TENM1: variants seen among roughly 807,000 people sequenced by gnomAD.
The protein encoded by TENM1 is teneurin transmembrane protein 1, also known as teneurin-1.
In TENM1, 35 loss-of-function variants were observed where a neutral mutation model predicts 174.8. That is an observed-to-expected ratio of 0.20 (90% CI 0.15 to 0.27). The LOEUF (loss-of-function observed/expected upper bound fraction) is 0.27. TENM1 is among the 10% of genes least tolerant of loss of function. The pLI is 1.00. For synonymous variants in TENM1, 781 were observed against 798.7 expected, an observed-to-expected ratio of 0.98 and a Z score of 0.37; for missense variants, 1,633 against 2,130.1, an observed-to-expected ratio of 0.77 and a Z score of 4.59.
exon 25 of TENM1, chrX:124,420,650 T>C (rs779838662): frequency 8.3e-7 from 1 of 1,211,755 alleles, no homozygotes; most frequent in South Asian, 1.8e-5. Flanking sequence ...CAGTTCCTGA[T>C]CAGCGGGTGA....
intron 27 of TENM1, among the ~76,000 whole-genome samples, chrX:124,400,831 A>G (rs113731481): frequency 2.7e-5 from 3 of 112,148 alleles, no homozygotes; most frequent in African/African-American, 6.5e-5. Context: ...TAATTTCTCT[A>G]TTGTCCAGGG....
chrX:124,459,002 C>T (rs1040524829), intron 22 of TENM1, among the ~76,000 whole-genome samples: 2 of 112,087 alleles, frequency 1.8e-5, no homozygotes, highest in African/African-American at 3.2e-5. Context: ...ACAGACATGG[C>T]GTTGCTCTTA....
At chrX:124,438,817 G>C (rs1043866666) in intron 23 of TENM1, among the ~76,000 whole-genome samples, 10 of 110,750 alleles carry the variant, frequency 9.0e-5, no homozygotes, top group African/African-American at 2.6e-4. Flanking sequence ...TCTGATAACA[G>C]GTTATTATAT....
At chrX:125,099,193 G>T in the TENM1 span, among the ~76,000 whole-genome samples, 3 of 111,764 alleles carry the variant, frequency 2.7e-5, no homozygotes, top group African/African-American at 9.8e-5. Context: ...AAGGAATGGG[G>T]GAGGTTTTTG....
chrX:124,438,300 G>A lies in TENM1; in HGVS notation c.4104+15037C>T, dbSNP rs748273229. ...GATAGAGGAACAGCAATACACTATC[G>A]TAGGTCTTCTGTATCTTAGAGAGAT... On this transcript the variant is annotated intron_variant, in intron 23 of 31. Transcript: ENST00000422452. Among the ~76,000 whole-genome samples the A allele has an allele frequency of 2.1e-3, 228 of 110,841 alleles. 1 individual carries two copies. Among genetic ancestry groups the A allele is most frequent in the African/African-American group, 6.9e-3 (211 of 30,461 alleles).
At chrX:125,196,999 C>G in the TENM1 span, among the ~76,000 whole-genome samples, 1,657 of 111,381 alleles carry the variant, frequency 0.015, 33 homozygotes, top group African/African-American at 0.052. Context: ...GGCACCTTCT[C>G]TTTGACAGGT....
At chrX:124,897,824 T>A (rs1376441904) in intron 1 of TENM1, among the ~76,000 whole-genome samples, 9 of 112,540 alleles carry the variant, frequency 8.0e-5, no homozygotes, top group Non-Finnish European at 1.5e-4. Context: ...ATAGTCGTGG[T>A]TTCCACTTGT....
chrX:124,842,981 T>C (rs1289542010), intron 3 of TENM1, among the ~76,000 whole-genome samples: 2 of 111,280 alleles, frequency 1.8e-5, no homozygotes, highest in Non-Finnish European at 3.8e-5. Context: ...TTAGATCAAA[T>C]GATGCGATTT....
rs978324761 is a variant in TENM1 at position 124,858,223 on chromosome X, T to C, written c.535+36073A>G. ...ACAAATTCTAATACATGCTAACAGA[T>C]GTTTTCACTTTAAATTTTAGAAAGC... On this transcript the variant is annotated intron_variant, in intron 3 of 31. Coordinates refer to ENST00000422452, the Ensembl canonical transcript of TENM1. Among the ~76,000 whole-genome samples, 3 of 112,604 alleles carry C rather than the reference T, an allele frequency of 2.7e-5. No individual in the cohort carries two copies. The South Asian group carries it at 1.1e-3, about 41-fold the overall frequency.
At chrX:124,850,003 T>C (rs1714404314) in intron 3 of TENM1, among the ~76,000 whole-genome samples, 1 of 111,873 alleles carries the variant, frequency 8.9e-6, no homozygotes, top group African/African-American at 3.2e-5. Flanking sequence ...ACACTACTCC[T>C]GTGAAGTGGC....
chrX:124,453,345 T>C (rs1391490757), exon 23 of TENM1: 1 of 1,206,659 alleles, frequency 8.3e-7, no homozygotes, highest in Admixed American at 2.2e-5. Flanking sequence ...ACCTGAGTGA[T>C]GTCCATTCCT....
At chrX:125,195,671 C>T in the TENM1 span, among the ~76,000 whole-genome samples, 1 of 111,536 alleles carries the variant, frequency 9.0e-6, no homozygotes, top group Non-Finnish European at 1.9e-5. Flanking sequence ...CACAAATGTA[C>T]TAGCAGCATA....
At chrX:125,101,439 G>A in the TENM1 span, among the ~76,000 whole-genome samples, 29,271 of 110,911 alleles carry the variant, frequency 0.26, 3,166 homozygotes, top group African/African-American at 0.4. Context: ...TTACCAGTTT[G>A]AATAACTTGT....
the TENM1 span, among the ~76,000 whole-genome samples, chrX:125,107,492 CAA>C: frequency 1.8e-5 from 2 of 111,755 alleles, no homozygotes; most frequent in Admixed American, 9.5e-5. Context: ...GAAAACAGCC[CAA>C]CCTCTGAGTG....
chrX:124,523,365 T>A, exon 17 of TENM1: 1 of 1,211,621 alleles, frequency 8.3e-7, no homozygotes, highest in Admixed American at 2.2e-5. Flanking sequence ...TATACTCACC[T>A]GCAGCTCAGG....
chrX:125,083,638 T>G, the TENM1 span, among the ~76,000 whole-genome samples: 1 of 111,635 alleles, frequency 9.0e-6, no homozygotes, highest in Non-Finnish European at 1.9e-5. Flanking sequence ...TGCTTCCAAC[T>G]TTTTAGAACA....
chrX:124,785,867 T>C (rs1017157629), intron 3 of TENM1, among the ~76,000 whole-genome samples: 4 of 112,174 alleles, frequency 3.6e-5, no homozygotes, highest in African/African-American at 1.3e-4. Flanking sequence ...ACAAATATTG[T>C]ACTTTGCTCA....
chrX:125,101,772 TTTTTC>T, the TENM1 span, among the ~76,000 whole-genome samples: 3 of 112,286 alleles, frequency 2.7e-5, no homozygotes, highest in African/African-American at 9.7e-5. Flanking sequence ...TTATTTTTTC[TTTTTC>T]AAGAAACTAG....
chrX:124,486,687 T>G (rs989064321), intron 21 of TENM1, among the ~76,000 whole-genome samples: 1 of 112,065 alleles, frequency 8.9e-6, no homozygotes, highest in African/African-American at 3.2e-5. Flanking sequence ...AAACGGTCAG[T>G]TTAAGGTTTT....
Sources: allele counts gnomAD v4.1 joint callset (sites outside exome capture counted in the v4.1 genomes callset), GRCh38; gene constraint gnomAD v4.1.1; transcripts MANE v1.5; gene names NCBI Gene and HGNC (gene_info 2026-07-23, HGNC 2026-07-21).